The following AFG2A variants were observed in gnomAD, a reference collection of about 807,000 sequenced individuals.
The protein encoded by AFG2A is AAA ATPase AFG2A.
chr4:123,020,579 G>A, the AFG2A span, among the ~76,000 whole-genome samples: 2 of 152,024 alleles, frequency 1.3e-5, no homozygotes, highest in African/African-American at 4.8e-5. Context: ...ACGTTGGCCA[G>A]GCTGGTCTTG....
the AFG2A span, among the ~76,000 whole-genome samples, chr4:123,124,163 A>G: frequency 6.6e-6 from 1 of 152,124 alleles, no homozygotes; most frequent in Non-Finnish European, 1.5e-5. Context: ...ATTATAAATC[A>G]TGCTGCTATA....
At chr4:123,114,075 G>T in the AFG2A span, among the ~76,000 whole-genome samples, 1 of 151,756 alleles carries the variant, frequency 6.6e-6, no homozygotes, top group African/African-American at 2.4e-5. Context: ...CTCTGATGTT[G>T]ATCATCCTGA....
At chr4:123,103,562 T>A in the AFG2A span, among the ~76,000 whole-genome samples, 1 of 152,142 alleles carries the variant, frequency 6.6e-6, no homozygotes, top group Admixed American at 6.5e-5. Flanking sequence ...TTATTCATAA[T>A]TTAAGTGATA....
At chr4:123,022,431 A>G in the AFG2A span, among the ~76,000 whole-genome samples, 1 of 152,058 alleles carries the variant, frequency 6.6e-6, no homozygotes, top group Admixed American at 6.5e-5. Flanking sequence ...GACACATGAA[A>G]AAATGGTCAT....
chr4:123,318,942 AT>A, the AFG2A span: 2 of 152,174 alleles, frequency 1.3e-5, no homozygotes, highest in African/African-American at 2.4e-5. Flanking sequence ...TTTGCCTTTG[AT>A]CCAGATTCTT....
At chr4:122,996,795 C>T in the AFG2A span, among the ~76,000 whole-genome samples, 4 of 152,074 alleles carry the variant, frequency 2.6e-5, no homozygotes, top group African/African-American at 9.7e-5. Context: ...CTCAGTGAGA[C>T]TGAAGGCCTG....
At chr4:123,029,668 C>T in the AFG2A span, among the ~76,000 whole-genome samples, 1 of 152,118 alleles carries the variant, frequency 6.6e-6, no homozygotes, top group Non-Finnish European at 1.5e-5. Context: ...GACATGGTCT[C>T]ACTCTGTGGC....
chr4:123,247,347 C>A, the AFG2A span, among the ~76,000 whole-genome samples: 1 of 152,180 alleles, frequency 6.6e-6, no homozygotes, highest in East Asian at 1.9e-4. Context: ...AAAAGGTTTA[C>A]TAAGCCCAAA....
the AFG2A span, among the ~76,000 whole-genome samples, chr4:123,083,567 T>C: frequency 6.6e-6 from 1 of 151,296 alleles, no homozygotes; most frequent in Non-Finnish European, 1.5e-5. Flanking sequence ...TTCTTTTTTT[T>C]TTTTTTCTTT....
chr4:123,168,111 G>A, the AFG2A span, among the ~76,000 whole-genome samples: 1 of 152,170 alleles, frequency 6.6e-6, no homozygotes, highest in Non-Finnish European at 1.5e-5. Context: ...AGCAACTGAA[G>A]CTGATTTTTA....
At chr4:123,271,334 C>CT in the AFG2A span, among the ~76,000 whole-genome samples, 1 of 152,126 alleles carries the variant, frequency 6.6e-6, no homozygotes, top group African/African-American at 2.4e-5. Context: ...TTCTTCTATG[C>CT]TTTTTTGCCA....
the AFG2A span, among the ~76,000 whole-genome samples, chr4:123,162,199 T>G: frequency 2.3e-4 from 35 of 152,198 alleles, no homozygotes; most frequent in Non-Finnish European, 5.1e-4. Flanking sequence ...TTGGAAACTG[T>G]GTCACACAAG....
the AFG2A span, among the ~76,000 whole-genome samples, chr4:123,260,422 ACC>A: frequency 6.6e-6 from 1 of 152,194 alleles, no homozygotes; most frequent in Middle Eastern, 3.2e-3. Context: ...TTAAAAAATC[ACC>A]TTCTAGTTTG....
the AFG2A span, among the ~76,000 whole-genome samples, chr4:122,964,645 A>G: frequency 6.6e-6 from 1 of 152,162 alleles, no homozygotes. Context: ...AGTTAGTGAG[A>G]AATAAGCCTT....
chr4:123,138,095 G>C, the AFG2A span, among the ~76,000 whole-genome samples: 4 of 151,962 alleles, frequency 2.6e-5, no homozygotes, highest in Admixed American at 2.6e-4. Context: ...TTAATTATTT[G>C]TTTTATTCTA....
At chr4:123,154,140 C>A in the AFG2A span, among the ~76,000 whole-genome samples, 1 of 152,024 alleles carries the variant, frequency 6.6e-6, no homozygotes. Context: ...CAGATGGGAA[C>A]CTGAATCCAT....
chr4:122,997,211 C>T, the AFG2A span, among the ~76,000 whole-genome samples: 1 of 152,094 alleles, frequency 6.6e-6, no homozygotes, highest in East Asian at 1.9e-4. Context: ...GGTACAATTC[C>T]ATGGTCTTTA....
At chr4:123,136,279 A>G in the AFG2A span, among the ~76,000 whole-genome samples, 1 of 152,166 alleles carries the variant, frequency 6.6e-6, no homozygotes. Context: ...TACGCCTATA[A>G]TCCCAGCACT....
At chr4:123,012,084 C>T in the AFG2A span, among the ~76,000 whole-genome samples, 1 of 137,924 alleles carries the variant, frequency 7.3e-6, no homozygotes, top group Non-Finnish European at 1.6e-5. Flanking sequence ...GTGCTTGCCC[C>T]CCAGGAAAGT....
Sources: gnomAD v4.1 joint callset for allele counts (sites outside exome capture counted in the v4.1 genomes callset) on GRCh38, gnomAD v4.1.1 for gene constraint, MANE v1.5 for transcripts, NCBI Gene and HGNC (gene_info 2026-07-23, HGNC 2026-07-21) for gene names.